The following GPR158 variants were observed in gnomAD, a reference collection of about 807,000 sequenced individuals.
GPR158 encodes metabotropic glycine receptor.
A neutral mutation model predicts 78.2 loss-of-function variants in GPR158; 30 were observed. The ratio of observed to expected loss-of-function variants is 0.38; its 90% CI spans 0.29 to 0.52. The LOEUF is 0.52. Among genes scored for constraint, GPR158 ranks in the 20% least tolerant of loss-of-function variants. The pLI, the probability that GPR158 is intolerant of heterozygous loss-of-function variation, is 0.83. For missense variants in GPR158, 1,463 were observed against 1,523.5 expected, an observed-to-expected ratio of 0.96 and a Z score of 0.66; for synonymous variants, 581 against 591.1, an observed-to-expected ratio of 0.98 and a Z score of 0.25.
chr10:25,231,519 C>G (rs75655310), intron 2 of GPR158, among the ~76,000 whole-genome samples: 2 of 152,262 alleles, frequency 1.3e-5, no homozygotes, highest in East Asian at 3.9e-4. Flanking sequence ...GTGTCCCCAA[C>G]TTTCTTGAAT....
intron 4 of GPR158, among the ~76,000 whole-genome samples, chr10:25,455,292 T>C (rs934898019): frequency 6.6e-6 from 1 of 152,204 alleles, no homozygotes; most frequent in Non-Finnish European, 1.5e-5. Flanking sequence ...GTTTAGAAAG[T>C]TTCAAAAAGC....
intron 2 of GPR158, among the ~76,000 whole-genome samples, chr10:25,311,718 G>T (rs898068853): frequency 6.6e-6 from 1 of 151,832 alleles, no homozygotes; most frequent in African/African-American, 2.4e-5. Context: ...TTTTGATTAT[G>T]TGAGGTATAC....
At chr10:25,446,702 T>C (rs12356315) in intron 4 of GPR158, among the ~76,000 whole-genome samples, 13,485 of 152,266 alleles carry the variant, frequency 0.089, 654 homozygotes, top group Non-Finnish European at 0.11. Context: ...CTAACCTATT[T>C]GCTTATTGTG....
chr10:25,379,139 A>G (rs1474017018), intron 2 of GPR158, among the ~76,000 whole-genome samples: 1 of 152,180 alleles, frequency 6.6e-6, no homozygotes, highest in Non-Finnish European at 1.5e-5. Flanking sequence ...TCTTAAATCC[A>G]TGAGACATTA....
chr10:25,490,768 T>C (rs1254376246), intron 5 of GPR158, among the ~76,000 whole-genome samples: 1 of 150,634 alleles, frequency 6.6e-6, no homozygotes, highest in Non-Finnish European at 1.5e-5. Flanking sequence ...TGCATGTGTC[T>C]TTATAGCAGC....
intron 2 of GPR158, among the ~76,000 whole-genome samples, chr10:25,337,162 C>T (rs190421610): frequency 3.9e-5 from 6 of 152,092 alleles, no homozygotes; most frequent in African/African-American, 1.4e-4. Flanking sequence ...TTTTAACTTT[C>T]AAAATTTAAG....
chr10:25,291,477 A>G (rs1490631240), intron 2 of GPR158, among the ~76,000 whole-genome samples: 2 of 152,080 alleles, frequency 1.3e-5, no homozygotes, highest in Non-Finnish European at 2.9e-5. Context: ...AATGGCTTCA[A>G]CATCACTCTA....
intron 2 of GPR158, among the ~76,000 whole-genome samples, chr10:25,294,633 A>AC (rs1191931274): frequency 6.6e-6 from 1 of 151,962 alleles, no homozygotes; most frequent in Non-Finnish European, 1.5e-5. Flanking sequence ...GGAAAAAAAA[A>AC]ATGGCAACCT....
intron 3 of GPR158, among the ~76,000 whole-genome samples, chr10:25,406,793 A>G (rs1467774263): frequency 1.3e-5 from 2 of 152,092 alleles, no homozygotes; most frequent in Admixed American, 6.5e-5. Flanking sequence ...TCTTATGACA[A>G]TGTGATAGTC....
intron 2 of GPR158, among the ~76,000 whole-genome samples, chr10:25,297,482 A>G (rs1308163605): frequency 6.6e-6 from 1 of 151,920 alleles, no homozygotes. Flanking sequence ...ACCCAGAAGC[A>G]TAAGATAGGG....
At position 25,249,372 on chromosome 10, in the gene GPR158, G is replaced by A. The variant is rs533687973; in HGVS notation, c.1008+28215G>A. On this transcript the variant is annotated intron_variant, in intron 2 of 10. Coordinates refer to ENST00000376351, the MANE Select transcript of GPR158 (RefSeq NM_020752.3). ...TGTTGAATAGGAGTGGTGAGGGAGG[G>A]CATCCCTGTCTTGTGCCAGTTTTCA... Among the ~76,000 whole-genome samples, 503 of 152,276 alleles carry A rather than the reference G, an allele frequency of 3.3e-3. 6 individuals carry two copies. The highest frequency in any genetic ancestry group is 0.012 in the African/African-American group (489 of 41,538).
intron 2 of GPR158, among the ~76,000 whole-genome samples, chr10:25,331,262 T>C (rs1855116848): frequency 6.6e-6 from 1 of 152,214 alleles, no homozygotes; most frequent in African/African-American, 2.4e-5. Flanking sequence ...ATTTTTATTT[T>C]TAAGACAATA....
chr10:25,585,081 C>T (rs560358147), intron 7 of GPR158, among the ~76,000 whole-genome samples: 6 of 152,332 alleles, frequency 3.9e-5, no homozygotes, highest in Middle Eastern at 3.4e-3. Flanking sequence ...GCTGAAGCTT[C>T]CTTCACAATT....
At chr10:25,431,559 C>G (rs1485737954) in intron 4 of GPR158, among the ~76,000 whole-genome samples, 1 of 133,362 alleles carries the variant, frequency 7.5e-6, no homozygotes, top group African/African-American at 2.8e-5. Flanking sequence ...CACATGCACA[C>G]GTATGTTTAT....
intron 5 of GPR158, among the ~76,000 whole-genome samples, chr10:25,537,453 C>T (rs558314839): frequency 6.6e-5 from 10 of 152,022 alleles, no homozygotes; most frequent in South Asian, 2.1e-4. Flanking sequence ...TTTCTGATTA[C>T]AGAACATGTG....
At chr10:25,235,980 G>A (rs923649939) in intron 2 of GPR158, among the ~76,000 whole-genome samples, 9 of 152,058 alleles carry the variant, frequency 5.9e-5, no homozygotes, top group Non-Finnish European at 1.2e-4. Context: ...ACAGGCGTGA[G>A]CCACTGCGCC....
chr10:25,430,156 A>G (rs1834880676), intron 4 of GPR158, among the ~76,000 whole-genome samples: 1 of 152,004 alleles, frequency 6.6e-6, no homozygotes, highest in South Asian at 2.1e-4. Context: ...AAGCAACTTC[A>G]GCAAAGTCTC....
chr10:25,467,571 T>C (rs558937043), intron 5 of GPR158, among the ~76,000 whole-genome samples: 1 of 152,248 alleles, frequency 6.6e-6, no homozygotes, highest in African/African-American at 2.4e-5. Context: ...ACTCATGAGA[T>C]AGAGGGTTAA....
intron 5 of GPR158, among the ~76,000 whole-genome samples, chr10:25,505,799 G>A (rs554819811): frequency 5.3e-5 from 8 of 151,828 alleles, no homozygotes; most frequent in South Asian, 2.1e-4. Context: ...ACACTCCTTC[G>A]TTTTTTTTCA....
Sources: gnomAD v4.1 joint callset for allele counts (sites outside exome capture counted in the v4.1 genomes callset) on GRCh38, gnomAD v4.1.1 for gene constraint, MANE v1.5 for transcripts, NCBI Gene and HGNC (gene_info 2026-07-23, HGNC 2026-07-21) for gene names.